APBB1IP: variants seen among roughly 807,000 people sequenced by gnomAD.
APBB1IP encodes amyloid beta A4 precursor protein-binding family B member 1-interacting protein.
In APBB1IP, 27 loss-of-function variants were observed where a neutral mutation model predicts 64.9. That is an observed-to-expected ratio of 0.42 (90% CI 0.31 to 0.57). The LOEUF (loss-of-function observed/expected upper bound fraction) is 0.57, where lower values mean the gene tolerates loss of function less well. Among genes scored for constraint, APBB1IP ranks in the 20% least tolerant of loss-of-function variants. The probability of loss-of-function intolerance (pLI) is 0.20; values close to 1 mark genes in which losing one functional copy is unlikely to be tolerated. For missense variants in APBB1IP, 812 were observed against 845.5 expected (o/e 0.96, Z 0.49); for synonymous variants, 392 against 331.0 (o/e 1.18, Z -2.00).
At chr10:26,486,728 A>G (rs767338341) in intron 2 of APBB1IP, among the ~76,000 whole-genome samples, 8 of 152,202 alleles carry the variant, frequency 5.3e-5, no homozygotes, top group Admixed American at 3.3e-4. Context: ...ATATAAACAT[A>G]TGTCCTGTAA....
At chr10:26,549,584 T>C (rs1340297907) in intron 11 of APBB1IP, among the ~76,000 whole-genome samples, 1 of 152,064 alleles carries the variant, frequency 6.6e-6, no homozygotes, top group African/African-American at 2.4e-5. Context: ...TTTTCCTAGG[T>C]TTTCCATTTT....
chr10:26,503,399 G>T, intron 6 of APBB1IP, 125 bp downstream of exon 6: 1 of 802,866 alleles, frequency 1.2e-6, no homozygotes, highest in Non-Finnish European at 1.9e-6. Context: ...ACTTTGGGAG[G>T]ACAAGGTGGG....
At chr10:26,516,781 C>T (rs539198203) in intron 8 of APBB1IP, among the ~76,000 whole-genome samples, 10 of 152,204 alleles carry the variant, frequency 6.6e-5, no homozygotes, top group Admixed American at 2.0e-4. Flanking sequence ...GGGAAGGCAA[C>T]GTCTTGCATG....
intron 10 of APBB1IP, among the ~76,000 whole-genome samples, chr10:26,539,761 T>A (rs12357356): frequency 0.1 from 15,481 of 151,730 alleles, 1,038 homozygotes; most frequent in Admixed American, 0.16. Flanking sequence ...AAGAAATCAA[T>A]AAGAAAAAGA....
At chr10:26,510,758 A>T (rs1588595088) in intron 6 of APBB1IP, among the ~76,000 whole-genome samples, 1 of 151,622 alleles carries the variant, frequency 6.6e-6, no homozygotes, top group Non-Finnish European at 1.5e-5. Flanking sequence ...ACACACACAC[A>T]CACACACACA....
intron 8 of APBB1IP, among the ~76,000 whole-genome samples, chr10:26,522,950 G>A (rs1460359174): frequency 1.5e-5 from 2 of 136,786 alleles, no homozygotes; most frequent in Non-Finnish European, 3.0e-5. Context: ...GTTGCAGTGA[G>A]CCAACATCGT....
At chr10:26,526,615 A>T (rs942281520) in intron 8 of APBB1IP, among the ~76,000 whole-genome samples, 3 of 152,144 alleles carry the variant, frequency 2.0e-5, no homozygotes, top group African/African-American at 7.2e-5. Context: ...GCTACTCGGG[A>T]GGCTGAGGCA....
intron 6 of APBB1IP, among the ~76,000 whole-genome samples, chr10:26,504,141 A>G (rs1744579650): frequency 6.6e-6 from 1 of 152,164 alleles, no homozygotes; most frequent in Admixed American, 6.5e-5. Flanking sequence ...GCTCTTGTCT[A>G]CTTTTCCTAT....
intron 10 of APBB1IP, 124 bp downstream of exon 10, chr10:26,536,341 T>C: frequency 2.8e-6 from 3 of 1,060,024 alleles, no homozygotes; most frequent in Non-Finnish European, 4.0e-6. Context: ...TCCTGCAACA[T>C]GTATACAAAT....
intron 11 of APBB1IP, among the ~76,000 whole-genome samples, chr10:26,553,250 G>T (rs1836855343): frequency 6.6e-6 from 1 of 152,044 alleles, no homozygotes; most frequent in Non-Finnish European, 1.5e-5. Flanking sequence ...TCGAACCCCT[G>T]ACCTCATGAT....
At chr10:26,516,380 T>C (rs1224565758) in intron 8 of APBB1IP, among the ~76,000 whole-genome samples, 1 of 151,094 alleles carries the variant, frequency 6.6e-6, no homozygotes, top group Non-Finnish European at 1.5e-5. Flanking sequence ...CCATCTCTAC[T>C]AAAAATTTAA....
chr10:26,536,361 T>A, intron 10 of APBB1IP, 144 bp downstream of exon 10: 1 of 865,112 alleles, frequency 1.2e-6, no homozygotes, highest in Non-Finnish European at 1.6e-6. Flanking sequence ...TAGGACAGTA[T>A]TATTGAAATC....
intron 10 of APBB1IP, among the ~76,000 whole-genome samples, chr10:26,538,813 T>C (rs1836661370): frequency 6.6e-6 from 1 of 152,150 alleles, no homozygotes; most frequent in Admixed American, 6.5e-5. Flanking sequence ...AAAGACACTG[T>C]TCCAAAATAG....
Position 26,488,572 on chromosome 10 carries a change from C to A in APBB1IP, c.1-3755C>A, listed in dbSNP as rs550847095. Reference sequence around the variant, plus strand: ...AAGAAAGGAGGATATGATTCAGATACTTTGTAAGCAACTGTGTGGGGATAA... The same window carrying A: ...AAGAAAGGAGGATATGATTCAGATAATTTGTAAGCAACTGTGTGGGGATAA... On this transcript the variant is annotated intron_variant, in intron 2 of 14. Transcript: ENST00000376236. 6.6e-5 allele frequency among the ~76,000 whole-genome samples: 10 copies of A among 152,300 alleles called. No homozygotes were observed. In the South Asian group the frequency reaches 2.1e-3, roughly 32 times the overall value.
chr10:26,544,965 G>A (rs1002763843), intron 11 of APBB1IP, among the ~76,000 whole-genome samples: 10 of 152,194 alleles, frequency 6.6e-5, no homozygotes, highest in Admixed American at 2.0e-4. Context: ...TGATGGATCT[G>A]GGAGCAAGAG....
At chr10:26,536,677 C>T (rs1836628495) in intron 10 of APBB1IP, among the ~76,000 whole-genome samples, 1 of 151,644 alleles carries the variant, frequency 6.6e-6, no homozygotes, top group African/African-American at 2.4e-5. Flanking sequence ...CTGCAACCTC[C>T]ACCTCCCAGG....
intron 9 of APBB1IP, among the ~76,000 whole-genome samples, chr10:26,534,699 C>T (rs1836598712): frequency 1.3e-5 from 2 of 152,206 alleles, no homozygotes; most frequent in Admixed American, 6.5e-5. Flanking sequence ...AGATGCTGAG[C>T]TCAGGTGTTG....
At chr10:26,457,275 T>G (rs1835538074) in intron 2 of APBB1IP, among the ~76,000 whole-genome samples, 1 of 152,208 alleles carries the variant, frequency 6.6e-6, no homozygotes, top group South Asian at 2.1e-4. Flanking sequence ...CGCTTCTTTT[T>G]CAGTTCCCCA....
intron 2 of APBB1IP, among the ~76,000 whole-genome samples, chr10:26,445,541 C>T (rs10764612): frequency 0.39 from 59,009 of 152,026 alleles, 11,650 homozygotes; most frequent in South Asian, 0.49. Flanking sequence ...AGGCATAGGC[C>T]ACTATGCCTG....
Sources: allele counts gnomAD v4.1 joint callset (sites outside exome capture counted in the v4.1 genomes callset), GRCh38; gene constraint gnomAD v4.1.1; transcripts MANE v1.5; gene names NCBI Gene and HGNC (gene_info 2026-07-23, HGNC 2026-07-21).